The following ATPAF1 variants were observed in gnomAD, a reference collection of about 807,000 sequenced individuals.
The protein encoded by ATPAF1 is ATP synthase mitochondrial F1 complex assembly factor 1.
ATPAF1 carries 26 observed loss-of-function variants against 43.9 expected under a neutral mutation model. That is an observed-to-expected ratio of 0.59 (90% CI 0.43 to 0.82). ATPAF1 has a LOEUF of 0.82. Among genes scored for constraint, ATPAF1 ranks in the 40% least tolerant of loss-of-function variants. ATPAF1 has a pLI of 0.00. For missense variants in ATPAF1, 366 were observed against 435.0 expected (o/e 0.84, Z 1.41); for synonymous variants, 157 against 168.0 (o/e 0.93, Z 0.50).
downstream of ATPAF1, chr1:46,634,427 C>A (rs1139759): frequency 0.38 from 58,169 of 152,720 alleles, 12,724 homozygotes; most frequent in Non-Finnish European, 0.5. Context: ...GCCAGCCTGG[C>A]CAACAAAGTG....
intron 5 of ATPAF1, 54 bp from the exon 6 acceptor site, chr1:46,652,682 C>G: frequency 2.1e-6 from 3 of 1,451,058 alleles, no homozygotes; most frequent in Non-Finnish European, 2.9e-6. Context: ...CACAAAAGGC[C>G]ACTATCACAT....
intron 7 of ATPAF1, among the ~76,000 whole-genome samples, chr1:46,644,754 A>G (rs1676009306): frequency 1.3e-5 from 2 of 152,214 alleles, no homozygotes; most frequent in African/African-American, 2.4e-5. Context: ...TTAAACAGAA[A>G]CTATTCACTT....
intron 1 of ATPAF1, 134 bp from the exon 2 acceptor site, chr1:46,665,498 A>G: frequency 8.3e-7 from 1 of 1,204,120 alleles, no homozygotes; most frequent in Non-Finnish European, 1.2e-6. Context: ...TTCAGTTAGT[A>G]AGAACTGGGC....
Position 46,653,858 on chromosome 1 carries a change from G to A in ATPAF1, c.499C>T (p.Gln167Ter). ...ACTGTATCTTTTGCTGCAAAATATT[G>A]CTGCCAAATCTGTACAAAAAAGAGA... The change falls in exon 5 of 9, where the codon CAA (glutamine) becomes TAA (stop). Residue 167 changes from glutamine (Q) to a stop codon, truncating the protein, a stop_gained. Coordinates refer to ENST00000574428, the Ensembl canonical transcript of ATPAF1. LOFTEE classifies it high-confidence loss of function. This position sits in a 1 kb window ranked among gnomAD's most constrained non-coding sequence, Gnocchi z 4.8. The A allele has an allele frequency of 6.2e-7, 1 of 1,611,074 alleles. No homozygotes were observed. Among genetic ancestry groups the A allele is most frequent in the South Asian group, 1.1e-5 (1 of 90,260 alleles).
chr1:46,661,439 T>C (rs951460113), intron 2 of ATPAF1, among the ~76,000 whole-genome samples: 1 of 152,212 alleles, frequency 6.6e-6, no homozygotes, highest in Non-Finnish European at 1.5e-5. Context: ...GCTGCTTACA[T>C]GTTCAAGGTT....
At chr1:46,634,977 C>T (rs1364814642), downstream of ATPAF1, 2 of 152,564 alleles carry the variant, frequency 1.3e-5, no homozygotes, top group Non-Finnish European at 2.9e-5. Context: ...GGAACATTTG[C>T]TTTCATCCAC....
chr1:46,647,020 T>A (rs1365475976), intron 6 of ATPAF1, among the ~76,000 whole-genome samples: 2 of 152,016 alleles, frequency 1.3e-5, no homozygotes, highest in African/African-American at 4.8e-5. Flanking sequence ...GGAACAAGAG[T>A]GACTTTATTT....
chr1:46,661,464 T>C (rs1195580563), intron 2 of ATPAF1, among the ~76,000 whole-genome samples: 2 of 152,170 alleles, frequency 1.3e-5, no homozygotes, highest in African/African-American at 4.8e-5. Flanking sequence ...CAGAAATGGG[T>C]GGAAGCACCT....
intron 7 of ATPAF1, among the ~76,000 whole-genome samples, chr1:46,643,938 A>C (rs2148816738): frequency 6.6e-6 from 1 of 152,312 alleles, no homozygotes; most frequent in African/African-American, 2.4e-5. Flanking sequence ...GCACAGGTGG[A>C]AACAACTACA....
At chr1:46,657,891 C>G (rs2476157) in intron 4 of ATPAF1, among the ~76,000 whole-genome samples, 21,345 of 151,966 alleles carry the variant, frequency 0.14, 3,831 homozygotes, top group African/African-American at 0.4. Flanking sequence ...GAGGGTTACA[C>G]GAGATGTGGA....
intron 4 of ATPAF1, among the ~76,000 whole-genome samples, chr1:46,655,537 T>C (rs1676254899): frequency 6.6e-6 from 1 of 152,174 alleles, no homozygotes; most frequent in Non-Finnish European, 1.5e-5. Context: ...AAGACCACTG[T>C]TACTTTATTT....
intron 4 of ATPAF1, among the ~76,000 whole-genome samples, 200 bp downstream of exon 4, chr1:46,657,927 C>A (rs2486160): frequency 0.14 from 21,336 of 152,178 alleles, 3,826 homozygotes; most frequent in African/African-American, 0.4. Flanking sequence ...AGAAACTAGA[C>A]ATACAAGTTG....
intron 1 of ATPAF1, chr1:46,665,646 C>A: frequency 6.5e-7 from 1 of 1,533,608 alleles, no homozygotes; most frequent in Non-Finnish European, 8.7e-7. Flanking sequence ...CAGGTACTTA[C>A]ATTCAGGGTA....
chr1:46,650,405 C>T (rs1019196109), intron 6 of ATPAF1, among the ~76,000 whole-genome samples: 2 of 150,952 alleles, frequency 1.3e-5, no homozygotes, highest in Non-Finnish European at 2.9e-5. Context: ...GAAAGAGGAA[C>T]TTTTGTATAA....
exon 9 of ATPAF1, chr1:46,635,844 T>G: frequency 6.2e-7 from 1 of 1,614,250 alleles, no homozygotes; most frequent in Non-Finnish European, 8.5e-7. Context: ...AATTCAGCGA[T>G]GACAGACATA....
intron 8 of ATPAF1, among the ~76,000 whole-genome samples, chr1:46,642,014 T>C (rs973794454): frequency 3.2e-4 from 48 of 152,180 alleles, no homozygotes; most frequent in Non-Finnish European, 6.2e-4. Flanking sequence ...CTAATAGGCA[T>C]CTCAGATTTA....
At chr1:46,665,749 C>G in intron 1 of ATPAF1, 2 of 1,517,648 alleles carry the variant, frequency 1.3e-6, no homozygotes, top group South Asian at 2.5e-5. Context: ...TTGAATACAT[C>G]CAGTTCTTGA....
chr1:46,655,570 T>C (rs1414981761), intron 4 of ATPAF1, among the ~76,000 whole-genome samples: 1 of 152,246 alleles, frequency 6.6e-6, no homozygotes, highest in Non-Finnish European at 1.5e-5. Context: ...TCTTTTATAG[T>C]ATACATAGAT....
In ATPAF1 at chr1:46,668,012, C is replaced by A; in HGVS notation, c.266+45G>T. The A allele has an allele frequency of 7.5e-7, 1 of 1,328,026 alleles. No individual in the cohort carries two copies. The highest frequency in any genetic ancestry group is 9.6e-7 in the Non-Finnish European group (1 of 1,041,660). 82.3% of individuals were successfully genotyped at this position (1,328,026 alleles called of 1,614,324 possible). ...CTAAGGCCCAGCAGCCCGGGCCGCC[C>A]CTCCTCCCGCCTCCTGCCCGCCTCC... is the stretch of plus-strand genomic sequence containing the variant. On this transcript the variant is annotated intron_variant, in intron 1 of 8. Transcript: ENST00000574428. This position sits in a 1 kb window ranked among gnomAD's most constrained non-coding sequence, Gnocchi z 4.4.
Sources: gnomAD v4.1 joint callset for allele counts (sites outside exome capture counted in the v4.1 genomes callset) on GRCh38, gnomAD v4.1.1 for gene constraint, Gnocchi (gnomAD v3.1) non-coding constraint, MANE v1.5 for transcripts, NCBI Gene and HGNC (gene_info 2026-07-23, HGNC 2026-07-21) for gene names.